MDFIC2: variants seen among roughly 807,000 people sequenced by gnomAD.
MDFIC2 encodes the protein MyoD family inhibitor domain containing 2.
intron 2 of MDFIC2, among the ~76,000 whole-genome samples, chr3:70,272,774 C>A (rs918767525): frequency 6.6e-6 from 1 of 152,174 alleles, no homozygotes; most frequent in Non-Finnish European, 1.5e-5. Flanking sequence ...TGCTTTCTTT[C>A]CTCCATTGGA....
At position 70,237,695 on chromosome 3, in the gene MDFIC2, A is replaced by G. The variant is rs144289521; in HGVS notation, c.89-30905T>C. Reference sequence around the variant, plus strand: ...GTTAACCTTTTGTTATCTAACATGTATACACACACAGATTATAAGCAACTC... The same window carrying G: ...GTTAACCTTTTGTTATCTAACATGTGTACACACACAGATTATAAGCAACTC... On this transcript the variant is annotated intron_variant, in intron 2 of 3. Transcript: ENST00000567252. Among the ~76,000 whole-genome samples, 854 of 152,362 alleles carry G rather than the reference A, an allele frequency of 5.6e-3. 8 individuals carry two copies. Among genetic ancestry groups the G allele is most frequent in the African/African-American group, 0.02 (820 of 41,586 alleles).
Position 70,270,550 on chromosome 3 carries a change from C to G in MDFIC2, c.88+41336G>C, listed in dbSNP as rs186594771. On this transcript the variant is annotated intron_variant, in intron 2 of 3. Transcript: ENST00000567252. ...AAGTATGTATATACATGGCTGCTTT[C>G]TTAGTCTGAGTTCAGTGTTTGCAGA... 5.9e-5 allele frequency among the ~76,000 whole-genome samples: 9 copies of G among 152,264 alleles called. No individual in the cohort carries two copies. The East Asian group carries it at 1.5e-3, about 26-fold the overall frequency.
chr3:70,250,167 G>T (rs981057771), intron 2 of MDFIC2, among the ~76,000 whole-genome samples: 2 of 152,082 alleles, frequency 1.3e-5, no homozygotes, highest in African/African-American at 4.8e-5. Flanking sequence ...AATAAATATT[G>T]TGAAGGATTT....
intron 2 of MDFIC2, among the ~76,000 whole-genome samples, chr3:70,221,557 C>G (rs1288750780): frequency 6.6e-6 from 1 of 151,960 alleles, no homozygotes; most frequent in African/African-American, 2.4e-5. Flanking sequence ...GCTTTATGGC[C>G]TATTTAAAGG....
intron 2 of MDFIC2, chr3:70,291,121 T>C (rs928842443): frequency 1.3e-5 from 2 of 152,214 alleles, no homozygotes; most frequent in South Asian, 2.1e-4. Flanking sequence ...AAGAATATCA[T>C]TGAAAGCAGT....
intron 3 of MDFIC2, among the ~76,000 whole-genome samples, chr3:70,202,914 C>T (rs1037548035): frequency 6.6e-6 from 1 of 152,012 alleles, no homozygotes; most frequent in African/African-American, 2.4e-5. Context: ...AAGGAGGTTC[C>T]ACAAGTGTGT....
chr3:70,208,940 C>T (rs1701315749), intron 2 of MDFIC2, among the ~76,000 whole-genome samples: 1 of 152,034 alleles, frequency 6.6e-6, no homozygotes, highest in South Asian at 2.1e-4. Flanking sequence ...TTCAAGAAAA[C>T]ATCTGTCGTT....
chr3:70,196,702 G>T lies in MDFIC2; in HGVS notation c.*224C>A, dbSNP rs985714079. On this transcript the variant is annotated 3_prime_UTR_variant, in exon 4 of 4. Transcript: ENST00000567252. ...TATTTAAGATTTGTTCATCACATGT[G>T]ATCAAGAATCTTATTTTTCAGTGAG... is the stretch of plus-strand genomic sequence containing the variant. Among the ~76,000 whole-genome samples the T allele has an allele frequency of 5.4e-4, 82 of 152,288 alleles. 1 individual carries two copies. Among genetic ancestry groups the T allele is most frequent in the Non-Finnish European group, 2.1e-4 (14 of 68,012 alleles).
intron 2 of MDFIC2, among the ~76,000 whole-genome samples, chr3:70,211,980 C>T (rs1238308151): frequency 6.6e-6 from 1 of 151,802 alleles, no homozygotes. Context: ...TCAGCTTCTG[C>T]TATCCTCCAG....
intron 2 of MDFIC2, among the ~76,000 whole-genome samples, chr3:70,267,122 A>G (rs1052777840): frequency 5.9e-5 from 9 of 152,212 alleles, no homozygotes; most frequent in Admixed American, 1.3e-4. Context: ...GGGAAGGAGA[A>G]TAGGAAGTAC....
At chr3:70,277,713 C>A (rs1400775598) in intron 2 of MDFIC2, among the ~76,000 whole-genome samples, 1 of 152,082 alleles carries the variant, frequency 6.6e-6, no homozygotes, top group Non-Finnish European at 1.5e-5. Context: ...GATGCCACCT[C>A]AGTCTAAGAT....
intron 2 of MDFIC2, among the ~76,000 whole-genome samples, chr3:70,267,668 G>A (rs1311521184): frequency 6.7e-6 from 1 of 148,946 alleles, no homozygotes; most frequent in Non-Finnish European, 1.5e-5. Context: ...CGCCTGCCTC[G>A]GCCTCCCAGA....
At chr3:70,245,715 A>G (rs1475077709) in intron 2 of MDFIC2, among the ~76,000 whole-genome samples, 1 of 135,702 alleles carries the variant, frequency 7.4e-6, no homozygotes, top group Middle Eastern at 3.9e-3. Flanking sequence ...ATATATATAT[A>G]CACATTCAAA....
rs574818318 is a variant in MDFIC2 at position 70,270,803 on chromosome 3, A to T, written c.88+41083T>A. Among the ~76,000 whole-genome samples the T allele has an allele frequency of 1.1e-4, 16 of 152,240 alleles. 2 individuals carry two copies. The South Asian group carries it at 3.3e-3, about 32-fold the overall frequency. On this transcript the variant is annotated intron_variant, in intron 2 of 3. Coordinates refer to ENST00000567252, the MANE Select transcript of MDFIC2 (RefSeq NM_001364677.1). ...CACAGGAACCAAAAACCAAAAACAC[A>T]AGTTATCACTCATAAGTGGGAGTTG...
chr3:70,239,439 G>T (rs1284442036), intron 2 of MDFIC2, among the ~76,000 whole-genome samples: 1 of 152,142 alleles, frequency 6.6e-6, no homozygotes, highest in Non-Finnish European at 1.5e-5. Context: ...TGTTCCCAAA[G>T]AGAACATTTC....
At chr3:70,223,223 C>A (rs1395111062) in intron 2 of MDFIC2, among the ~76,000 whole-genome samples, 3 of 152,070 alleles carry the variant, frequency 2.0e-5, no homozygotes, top group African/African-American at 7.2e-5. Flanking sequence ...TTATTGTGCT[C>A]TTATTTGTGA....
intron 2 of MDFIC2, among the ~76,000 whole-genome samples, chr3:70,211,033 A>G (rs907536247): frequency 6.6e-6 from 1 of 152,054 alleles, no homozygotes; most frequent in Non-Finnish European, 1.5e-5. Flanking sequence ...TTCATTTTTG[A>G]TCACTAAATG....
At chr3:70,293,187 C>T (rs1195803095) in intron 2 of MDFIC2, among the ~76,000 whole-genome samples, 3 of 151,488 alleles carry the variant, frequency 2.0e-5, no homozygotes, top group Admixed American at 6.6e-5. Flanking sequence ...TTCCTTAATA[C>T]TTTCTGTCAT....
At chr3:70,208,112 G>A (rs1212366347) in intron 2 of MDFIC2, among the ~76,000 whole-genome samples, 1 of 152,048 alleles carries the variant, frequency 6.6e-6, no homozygotes, top group African/African-American at 2.4e-5. Flanking sequence ...GGTGCAGTTA[G>A]CTTATAACTT....
Sources: allele counts gnomAD v4.1 joint callset (sites outside exome capture counted in the v4.1 genomes callset), GRCh38; gene constraint gnomAD v4.1.1; transcripts MANE v1.5; gene names NCBI Gene and HGNC (gene_info 2026-07-23, HGNC 2026-07-21).